ATP6V0A4: variants seen among roughly 807,000 people sequenced by gnomAD.
ATP6V0A4 encodes ATPase H+ transporting V0 subunit a4.
A neutral mutation model predicts 107.3 loss-of-function variants in ATP6V0A4; 86 were observed. The ratio of observed to expected loss-of-function variants is 0.80; its 90% CI spans 0.67 to 0.96. The LOEUF (loss-of-function observed/expected upper bound fraction) is 0.96, where lower values mean the gene tolerates loss of function less well. ATP6V0A4 is among the 40% of genes least tolerant of loss of function. The pLI is 0.00. For missense variants in ATP6V0A4, 908 were observed against 1,045.6 expected (o/e 0.87, Z 1.81); for synonymous variants, 353 against 381.4 (o/e 0.93, Z 0.87).
intron 2 of ATP6V0A4, 85 bp downstream of exon 2, chr7:138,786,073 C>T (rs964219257): frequency 6.5e-6 from 1 of 152,736 alleles, no homozygotes; most frequent in Non-Finnish European, 1.5e-5. Context: ...CCACACCCCT[C>T]AGCACACGAC....
intron 8 of ATP6V0A4, among the ~76,000 whole-genome samples, chr7:138,758,739 ATTTTTTTT>A (rs398006555): frequency 3.4e-5 from 2 of 59,174 alleles, no homozygotes; most frequent in African/African-American, 6.9e-5. Flanking sequence ...CTGACTCAGA[ATTTTTTTT>A]TTTTTTTTTT....
chr7:138,775,799 C>T (rs113433271), intron 2 of ATP6V0A4, among the ~76,000 whole-genome samples: 1,608 of 151,964 alleles, frequency 0.011, 32 homozygotes, highest in African/African-American at 0.037. Flanking sequence ...TATAGGCGCC[C>T]GCCACCACGC....
chr7:138,739,738 T>G lies in ATP6V0A4; in HGVS notation c.1479-105A>C, dbSNP rs1805520235. The G allele has an allele frequency of 2.6e-6, 4 of 1,543,816 alleles. No homozygotes were observed. In the East Asian group the frequency reaches 7.3e-5, roughly 28 times the overall value. On this transcript the variant is annotated intron_variant, in intron 14 of 21. Coordinates refer to ENST00000310018, the MANE Select transcript of ATP6V0A4 (RefSeq NM_020632.3). The stretch of plus-strand genomic sequence containing the variant: ...TTGCCCATCAAAGTCCAACTACTGG[T>G]GCAATTCATCACTTTGGTTGGTTCA...
intron 20 of ATP6V0A4, among the ~76,000 whole-genome samples, chr7:138,715,343 G>A (rs1803983169): frequency 6.6e-6 from 1 of 152,154 alleles, no homozygotes; most frequent in African/African-American, 2.4e-5. Flanking sequence ...TAGAGTTACA[G>A]GCACCCGCCA....
rs555471254 is a variant in ATP6V0A4 at position 138,726,480 on chromosome 7, C to G, written c.2010+2281G>C. Among the ~76,000 whole-genome samples the G allele has an allele frequency of 3.1e-3, 476 of 152,334 alleles. 3 individuals are homozygous for G. Among genetic ancestry groups the G allele is most frequent in the African/African-American group, 0.011 (456 of 41,574 alleles). On this transcript the variant is annotated intron_variant, in intron 18 of 21. Coordinates refer to ENST00000310018, the MANE Select transcript of ATP6V0A4 (RefSeq NM_020632.3). ...ACGGGGCATGTCACCAGGGCCACGC[C>G]ACAGGCGGCCCTCTAGTGGAGAGGT... is the stretch of plus-strand genomic sequence containing the variant.
At chr7:138,761,630 C>CAA in intron 7 of ATP6V0A4, among the ~76,000 whole-genome samples, 1 of 133,482 alleles carries the variant, frequency 7.5e-6, no homozygotes, top group East Asian at 2.1e-4. Context: ...GACTCTGTTT[C>CAA]AAAAAAAAAA....
At chr7:138,730,628 C>G (rs1374635893) in intron 17 of ATP6V0A4, among the ~76,000 whole-genome samples, 1 of 152,174 alleles carries the variant, frequency 6.6e-6, no homozygotes, top group African/African-American at 2.4e-5. Context: ...TTATTCCAGA[C>G]TAAGTGAGGA....
chr7:138,759,915 A>C, intron 7 of ATP6V0A4, 37 bp from the exon 8 acceptor site: 1 of 1,613,684 alleles, frequency 6.2e-7, no homozygotes, highest in Non-Finnish European at 8.5e-7. Flanking sequence ...CTTAAGGCAC[A>C]GGGATTGGGA....
At chr7:138,780,356 C>A (rs575886427) in intron 2 of ATP6V0A4, among the ~76,000 whole-genome samples, 4 of 152,284 alleles carry the variant, frequency 2.6e-5, no homozygotes, top group Admixed American at 1.3e-4. Flanking sequence ...CTCTGAGGAT[C>A]TAATGGTGCT....
At chr7:138,726,760 G>A (rs755084364) in intron 18 of ATP6V0A4, among the ~76,000 whole-genome samples, 3 of 152,084 alleles carry the variant, frequency 2.0e-5, no homozygotes, top group Non-Finnish European at 4.4e-5. Flanking sequence ...CATCCCAAGG[G>A]CCAAGGGAAC....
At chr7:138,728,921 C>G in intron 17 of ATP6V0A4, 59 bp from the exon 18 acceptor site, 1 of 1,612,448 alleles carries the variant, frequency 6.2e-7, no homozygotes, top group Non-Finnish European at 8.5e-7. Flanking sequence ...GCACACTTTA[C>G]GTGATGAAAA....
intron 17 of ATP6V0A4, among the ~76,000 whole-genome samples, chr7:138,732,018 A>G (rs1176884862): frequency 6.6e-6 from 1 of 152,142 alleles, no homozygotes; most frequent in African/African-American, 2.4e-5. Flanking sequence ...GTTGGGATGA[A>G]CTGTCTCTGG....
At chr7:138,789,229 T>TTTG (rs1554403328) in intron 1 of ATP6V0A4, among the ~76,000 whole-genome samples, 3 of 151,356 alleles carry the variant, frequency 2.0e-5, no homozygotes, top group East Asian at 1.9e-4. Flanking sequence ...GGGGTTTTTT[T>TTTG]TTGTTGTTGT....
chr7:138,798,112 G>T lies in ATP6V0A4; in HGVS notation c.-199C>A, dbSNP rs138299222. The T allele has an allele frequency of 6.3e-7, 1 of 1,598,034 alleles. No homozygotes were observed. The highest frequency in any genetic ancestry group is 1.7e-5 in the Admixed American group (1 of 57,412). On this transcript the variant is annotated 5_prime_UTR_variant, in exon 1 of 22. Coordinates refer to ENST00000310018, the MANE Select transcript of ATP6V0A4 (RefSeq NM_020632.3). Reference sequence around the variant, plus strand: ...CTCAGCACAGCCTCCAGCATGCAGCGCCTCCCCGCTGCCACCCGGGCCACC... The same window carrying T: ...CTCAGCACAGCCTCCAGCATGCAGCTCCTCCCCGCTGCCACCCGGGCCACC...
chr7:138,763,158 TACACAC>T, intron 5 of ATP6V0A4, 133 bp from the exon 6 acceptor site: 2 of 1,148,792 alleles, frequency 1.7e-6, no homozygotes, highest in South Asian at 1.4e-5. Flanking sequence ...CTAATACACA[TACACAC>T]AGACACACAC....
intron 12 of ATP6V0A4, 41 bp from the exon 13 acceptor site, chr7:138,747,605 G>T: frequency 6.2e-7 from 1 of 1,607,574 alleles, no homozygotes; most frequent in East Asian, 2.2e-5. Flanking sequence ...CCTCAGCACA[G>T]CCTCGGGGCC....
At chr7:138,792,769 TTTTTTTTTGTTGTTTTG>T (rs1409015272) in intron 1 of ATP6V0A4, among the ~76,000 whole-genome samples, 120 of 80,348 alleles carry the variant, frequency 1.5e-3, no homozygotes, top group African/African-American at 5.4e-3. Context: ...CAGGTTTGTT[TTTTTTTTTGTTGTTTTG>T]TTTTTTTTTT....
intron 19 of ATP6V0A4, among the ~76,000 whole-genome samples, chr7:138,718,677 G>GA (rs1804271525): frequency 2.1e-4 from 1 of 4,840 alleles, no homozygotes; most frequent in Non-Finnish European, 3.5e-4. Context: ...AATTCGGGGC[G>GA]GGGGGGGGGG....
intron 15 of ATP6V0A4, among the ~76,000 whole-genome samples, chr7:138,738,118 T>C (rs1280046056): frequency 2.6e-5 from 4 of 152,208 alleles, no homozygotes; most frequent in Non-Finnish European, 5.9e-5. Context: ...TTAAATCATA[T>C]ATATGTATTA....
Sources: gnomAD v4.1 joint callset for allele counts (sites outside exome capture counted in the v4.1 genomes callset) on GRCh38, gnomAD v4.1.1 for gene constraint, MANE v1.5 for transcripts, NCBI Gene and HGNC (gene_info 2026-07-23, HGNC 2026-07-21) for gene names.